The following MED12L variants were observed in gnomAD, a reference collection of about 807,000 sequenced individuals.
MED12L encodes mediator of RNA polymerase II transcription subunit 12-like protein.
A neutral mutation model predicts 281.3 loss-of-function variants in MED12L; 60 were observed. That is an observed-to-expected ratio of 0.21 (90% CI 0.17 to 0.26). The LOEUF (loss-of-function observed/expected upper bound fraction) is 0.26, where lower values mean the gene tolerates loss of function less well. MED12L is among the 10% of genes least tolerant of loss of function. The pLI, the probability that MED12L is intolerant of heterozygous loss-of-function variation, is 1.00. For missense variants in MED12L, 2,146 were observed against 2,680.9 expected (o/e 0.80, Z 4.41); for synonymous variants, 974 against 987.2 (o/e 0.99, Z 0.25).
rs1440157255 is a variant in MED12L at position 151,160,035 on chromosome 3, C to G, written c.1041C>G (p.Ala347=). The G allele has an allele frequency of 6.2e-7, 1 of 1,614,174 alleles. No homozygotes were observed. Among genetic ancestry groups the G allele is most frequent in the Non-Finnish European group, 8.5e-7 (1 of 1,180,026 alleles). The change falls in exon 8 of 45, where the codon GCC becomes GCG. Residue 347 remains alanine (A), a synonymous_variant. Coordinates refer to ENST00000687756, the MANE Select transcript of MED12L (RefSeq NM_001393769.1). Reference sequence around the variant, plus strand: ...CTGGCATGAGCCCCGTGCAGCTGGCCTTCTCAGATTTTCTTTCCTGTGCAC... The same window carrying G: ...CTGGCATGAGCCCCGTGCAGCTGGCGTTCTCAGATTTTCTTTCCTGTGCAC... The part of the protein sequence containing the change: ...PGPGMSPVQL[A]FSDFLSCAQH...
chr3:151,359,744 A>G (rs143771016), intron 20 of MED12L, among the ~76,000 whole-genome samples: 40 of 152,280 alleles, frequency 2.6e-4, no homozygotes, highest in African/African-American at 8.9e-4. Context: ...TTAGTGTAAT[A>G]TAATGGCTGA....
At chr3:151,419,579 A>G (rs1046774121) in intron 43 of MED12L, among the ~76,000 whole-genome samples, 4 of 152,180 alleles carry the variant, frequency 2.6e-5, no homozygotes, top group South Asian at 2.1e-4. Context: ...CCGAGGATCA[A>G]TACTTTGCAT....
intron 16 of MED12L, among the ~76,000 whole-genome samples, chr3:151,312,264 G>A (rs1023622571): frequency 1.3e-5 from 2 of 152,188 alleles, no homozygotes; most frequent in Non-Finnish European, 2.9e-5. Context: ...AGAGGCAACA[G>A]ATATTTATGC....
At chr3:151,338,714 G>T in intron 16 of MED12L, 1 of 1,613,464 alleles carries the variant, frequency 6.2e-7, no homozygotes. Context: ...TCATCGCCAG[G>T]CCATTTGTGA....
At chr3:151,375,863 T>A (rs1471568798) in intron 27 of MED12L, among the ~76,000 whole-genome samples, 163 bp from the exon 28 acceptor site, 1 of 152,090 alleles carries the variant, frequency 6.6e-6, no homozygotes, top group African/African-American at 2.4e-5. Context: ...ATGCTAAAAA[T>A]TTTGTTTTTT....
Position 151,435,082 on chromosome 3 carries a change from T to C in MED12L, c.*2278T>C, listed in dbSNP as rs1203683497. The C allele has an allele frequency of 4.9e-5, 4 of 81,484 alleles. No homozygotes were observed. The highest frequency in any genetic ancestry group is 9.1e-5 in the Non-Finnish European group (3 of 33,144). 5.0% of individuals were successfully genotyped at this position (81,484 alleles called of 1,614,324 possible). ...GGTTTCTTTTTTTTTTTTTTTTTTT[T>C]CTTTTCTTGCAAATGCATTCTTTTG... On this transcript the variant is annotated 3_prime_UTR_variant, in exon 45 of 45. Transcript: ENST00000687756.
chr3:151,375,792 C>A (rs531294069), intron 27 of MED12L, among the ~76,000 whole-genome samples: 2 of 152,052 alleles, frequency 1.3e-5, no homozygotes, highest in East Asian at 1.9e-4. Context: ...ATTGTCTTTT[C>A]TTTTTTCCCA....
Position 151,291,601 on chromosome 3 carries a change from TAAGA to T in MED12L, c.2251-58455_2251-58452del, listed in dbSNP as rs200586054. Among the ~76,000 whole-genome samples, 1,436 of 152,304 alleles carry T rather than the reference TAAGA, an allele frequency of 9.4e-3. 17 individuals are homozygous for T. The highest frequency in any genetic ancestry group is 0.032 in the African/African-American group (1,349 of 41,564). The stretch of plus-strand genomic sequence containing the variant: ...CTGAATGTAATCCAAAAGCCCTAAG[TAAGA>T]AATTTTGGATTTCAAATTTTAGATT... On this transcript the variant is annotated intron_variant, in intron 16 of 44. Transcript: ENST00000687756.
At chr3:151,089,541 C>G (rs570522178) in intron 2 of MED12L, among the ~76,000 whole-genome samples, 1 of 152,118 alleles carries the variant, frequency 6.6e-6, no homozygotes, top group African/African-American at 2.4e-5. Flanking sequence ...AAGCCCTCCT[C>G]CTGGTAGAAG....
intron 5 of MED12L, among the ~76,000 whole-genome samples, chr3:151,131,588 CAGAG>C (rs1413334303): frequency 6.6e-6 from 1 of 152,144 alleles, no homozygotes; most frequent in Non-Finnish European, 1.5e-5. Flanking sequence ...GCCTGGGCAA[CAGAG>C]AGAGACCCTC....
intron 2 of MED12L, 115 bp from the exon 3 acceptor site, chr3:151,116,223 C>A: frequency 3.1e-6 from 2 of 648,092 alleles, no homozygotes; most frequent in South Asian, 2.1e-5. Flanking sequence ...GTTGTCCTTT[C>A]AAGAGTTCTC....
chr3:151,162,495 C>T (rs1264342875), intron 8 of MED12L, among the ~76,000 whole-genome samples: 4 of 152,042 alleles, frequency 2.6e-5, no homozygotes, highest in Non-Finnish European at 4.4e-5. Context: ...TCAGTCACTG[C>T]GGCCTGGAGC....
intron 16 of MED12L, chr3:151,338,165 A>G (rs1355304655): frequency 1.2e-6 from 2 of 1,614,068 alleles, no homozygotes; most frequent in Non-Finnish European, 1.7e-6. Context: ...TGGGGACTTT[A>G]CCTACACCCC....
At chr3:151,212,141 G>A (rs1375117059) in intron 16 of MED12L, 2 of 152,132 alleles carry the variant, frequency 1.3e-5, no homozygotes, top group East Asian at 3.8e-4. Flanking sequence ...TTCTTTATTA[G>A]TATATAGACA....
At chr3:151,394,323 C>G (rs1174086152) in intron 38 of MED12L, among the ~76,000 whole-genome samples, 1 of 152,156 alleles carries the variant, frequency 6.6e-6, no homozygotes, top group African/African-American at 2.4e-5. Flanking sequence ...ATGTTTTATA[C>G]AAGTAATATG....
chr3:151,224,120 G>A (rs1163601990), intron 16 of MED12L, among the ~76,000 whole-genome samples: 2 of 142,642 alleles, frequency 1.4e-5, no homozygotes, highest in African/African-American at 2.5e-5. Context: ...TTCATAATTA[G>A]GAATAGAAAT....
intron 6 of MED12L, among the ~76,000 whole-genome samples, chr3:151,157,989 C>T (rs1719502965): frequency 6.6e-6 from 1 of 152,072 alleles, no homozygotes; most frequent in South Asian, 2.1e-4. Flanking sequence ...ATGTGTTTAT[C>T]TATGTGTATA....
At chr3:151,327,620 G>A (rs1749787747) in intron 16 of MED12L, 1 of 158,144 alleles carries the variant, frequency 6.3e-6, no homozygotes, top group Admixed American at 6.5e-5. Context: ...AAAAGCAGTA[G>A]TGTTATGTGA....
chr3:151,104,124 C>A (rs1721721877), intron 2 of MED12L, among the ~76,000 whole-genome samples: 1 of 152,072 alleles, frequency 6.6e-6, no homozygotes, highest in Non-Finnish European at 1.5e-5. Context: ...TGATGGCCTG[C>A]AGGTGTGATT....
Sources: gnomAD v4.1 joint callset for allele counts (sites outside exome capture counted in the v4.1 genomes callset) on GRCh38, gnomAD v4.1.1 for gene constraint, MANE v1.5 for transcripts, NCBI Gene and HGNC (gene_info 2026-07-23, HGNC 2026-07-21) for gene names.